Variants in HHIP observed in about 807,000 individuals in gnomAD.
HHIP encodes the protein hedgehog-interacting protein.
Under a neutral mutation model 74.0 loss-of-function variants are expected in HHIP, and 12 were observed. The observed-to-expected ratio is 0.16, with a 90% CI of 0.10 to 0.26. The LOEUF is 0.26. HHIP is among the 10% of genes least tolerant of loss of function. HHIP has a pLI of 1.00. For synonymous variants in HHIP, 309 were observed against 311.6 expected, an observed-to-expected ratio of 0.99 and a Z score of 0.09; for missense variants, 788 against 845.0, an observed-to-expected ratio of 0.93 and a Z score of 0.84.
chr4:144,714,329 G>T lies in HHIP; in HGVS notation c.1528G>T (p.Val510Leu). ...CQSERLYGSY[V>L]FGDRNGNFLT... ...GTCAGAAAGATTGTATGGAAGCTAC[G>T]TGTTTGGAGATCGTAATGGGTAGGT... Residue 510 changes from valine (V) to leucine (L), a missense_variant, in exon 9 of 13, where the codon GTG becomes TTG. This residue lies in a region of HHIP where 343 missense variants were observed against 347.9 expected (regional missense o/e 0.99). Transcript: ENST00000296575. 6.8e-6 allele frequency: 11 copies of T among 1,613,426 alleles called. No homozygotes were observed. The highest frequency in any genetic ancestry group is 9.3e-6 in the Non-Finnish European group (11 of 1,179,558).
intron 8 of HHIP, among the ~76,000 whole-genome samples, chr4:144,713,287 T>A (rs1352346745): frequency 6.6e-6 from 1 of 152,138 alleles, no homozygotes; most frequent in Non-Finnish European, 1.5e-5. Flanking sequence ...CTGACCAGCC[T>A]AACTCCAGAG....
chr4:144,719,028 G>A (rs1022028396), intron 11 of HHIP, 72 bp downstream of exon 11: 25 of 909,526 alleles, frequency 2.7e-5, no homozygotes, highest in Non-Finnish European at 7.3e-6. Context: ...TTCAATTAAT[G>A]ATAGGAATGT....
intron 9 of HHIP, among the ~76,000 whole-genome samples, chr4:144,714,587 G>A (rs1257223359): frequency 6.6e-6 from 1 of 152,092 alleles, no homozygotes; most frequent in Admixed American, 6.6e-5. Context: ...GGGCACAGAA[G>A]TCTTCAGATG....
chr4:144,712,537 T>A (rs1730334434), intron 8 of HHIP, among the ~76,000 whole-genome samples: 1 of 152,172 alleles, frequency 6.6e-6, no homozygotes, highest in South Asian at 2.1e-4. Context: ...AATGTTTATC[T>A]TAGAGAAAAC....
intron 4 of HHIP, among the ~76,000 whole-genome samples, chr4:144,662,666 G>A (rs1728747656): frequency 6.6e-6 from 1 of 152,102 alleles, no homozygotes. Flanking sequence ...TCAAACTGAT[G>A]AGCAAACTTT....
chr4:144,661,773 TATC>T (rs1728720306), intron 4 of HHIP, among the ~76,000 whole-genome samples: 1 of 152,234 alleles, frequency 6.6e-6, no homozygotes, highest in African/African-American at 2.4e-5. Context: ...ATATGAAAGT[TATC>T]ATATATTTAT....
At chr4:144,666,967 T>C (rs1325791044) in intron 4 of HHIP, among the ~76,000 whole-genome samples, 1 of 152,182 alleles carries the variant, frequency 6.6e-6, no homozygotes, top group Non-Finnish European at 1.5e-5. Flanking sequence ...TCATCTAACA[T>C]ACTAACATAA....
At chr4:144,720,945 G>A (rs765996965) in intron 11 of HHIP, among the ~76,000 whole-genome samples, 3 of 152,100 alleles carry the variant, frequency 2.0e-5, no homozygotes, top group Non-Finnish European at 2.9e-5. Context: ...AAGCACAGTA[G>A]TGTTCAGGAG....
intron 7 of HHIP, among the ~76,000 whole-genome samples, chr4:144,708,645 C>G (rs565322279): frequency 6.6e-6 from 1 of 151,762 alleles, no homozygotes; most frequent in South Asian, 2.1e-4. Context: ...TTAGAGAGAT[C>G]AACTTTTTGA....
chr4:144,678,074 C>T (rs1729223773), intron 4 of HHIP, among the ~76,000 whole-genome samples: 1 of 152,174 alleles, frequency 6.6e-6, no homozygotes, highest in African/African-American at 2.4e-5. Flanking sequence ...GTAGGAAACA[C>T]ATCTATACAA....
intron 11 of HHIP, among the ~76,000 whole-genome samples, chr4:144,730,960 T>A (rs1277816309): frequency 1.3e-5 from 2 of 152,222 alleles, no homozygotes; most frequent in East Asian, 3.8e-4. Context: ...TCTCTCTTTA[T>A]CTCATGCTCA....
chr4:144,702,652 T>C (rs1237795415), intron 4 of HHIP, among the ~76,000 whole-genome samples: 1 of 151,814 alleles, frequency 6.6e-6, no homozygotes, highest in Non-Finnish European at 1.5e-5. Context: ...CCTATGAAGC[T>C]TGGATGAGGT....
chr4:144,724,056 A>G (rs1049354882), intron 11 of HHIP, among the ~76,000 whole-genome samples: 1 of 152,218 alleles, frequency 6.6e-6, no homozygotes, highest in African/African-American at 2.4e-5. Context: ...TTTTAGAGAT[A>G]TACCACAAAA....
chr4:144,721,931 A>T (rs1450748053), intron 11 of HHIP, among the ~76,000 whole-genome samples: 1 of 151,414 alleles, frequency 6.6e-6, no homozygotes, highest in South Asian at 2.1e-4. Context: ...ACTTCCGAGG[A>T]AACAGAAAAG....
intron 2 of HHIP, among the ~76,000 whole-genome samples, chr4:144,656,711 A>G (rs1728567759): frequency 6.6e-6 from 1 of 152,202 alleles, no homozygotes; most frequent in Non-Finnish European, 1.5e-5. Context: ...TGCATAATAT[A>G]GGCATGGAGA....
At position 144,738,027 on chromosome 4, in the gene HHIP, A is replaced by T; in HGVS notation, c.*70A>T. ...TTTATCCTGTCATTAAAAAAAAAAG[A>T]CTGTTATCCTGCTACACACTCCTGT... On this transcript the variant is annotated 3_prime_UTR_variant, in exon 13 of 13. Transcript: ENST00000296575. The T allele has an allele frequency of 6.9e-7, 1 of 1,459,708 alleles. No individual in the cohort carries two copies. Among genetic ancestry groups the T allele is most frequent in the South Asian group, 1.5e-5 (1 of 65,872 alleles). The allele number at this position is 1,459,708 out of a possible 1,614,324, so 90.4% of individuals were successfully genotyped here. A position where few individuals can be genotyped will look rare whatever the true frequency, so the allele number is the denominator to read the frequency against.
intron 4 of HHIP, among the ~76,000 whole-genome samples, chr4:144,700,812 T>G (rs1480639110): frequency 6.6e-6 from 1 of 152,170 alleles, no homozygotes; most frequent in Non-Finnish European, 1.5e-5. Flanking sequence ...GATAAAAAAT[T>G]TATGTTATTT....
intron 4 of HHIP, among the ~76,000 whole-genome samples, chr4:144,690,087 C>T (rs770397503): frequency 1.3e-5 from 2 of 152,106 alleles, no homozygotes; most frequent in Non-Finnish European, 2.9e-5. Flanking sequence ...GGATTACAGG[C>T]GGGTAAACCA....
At chr4:144,705,251 T>C (rs565630477) in intron 4 of HHIP, among the ~76,000 whole-genome samples, 98 of 152,342 alleles carry the variant, frequency 6.4e-4, no homozygotes, top group African/African-American at 2.0e-3. Flanking sequence ...GAACTCCATG[T>C]AAAATAAGAA....
Sources: allele counts gnomAD v4.1 joint callset (sites outside exome capture counted in the v4.1 genomes callset), GRCh38; gene constraint gnomAD v4.1.1; regional missense constraint gnomAD v4.1.1; transcripts MANE v1.5; gene names NCBI Gene and HGNC (gene_info 2026-07-23, HGNC 2026-07-21).